The following CAPG variants were observed in gnomAD, a reference collection of about 807,000 sequenced individuals.
The protein encoded by CAPG is macrophage-capping protein.
CAPG carries 32 observed loss-of-function variants against 44.6 expected under a neutral mutation model. The ratio of observed to expected loss-of-function variants is 0.72; its 90% CI spans 0.54 to 0.96. The LOEUF is 0.96. Among genes scored for constraint, CAPG ranks in the 50% least tolerant of loss-of-function variants. The pLI, the probability that CAPG is intolerant of heterozygous loss-of-function variation, is 0.00. For synonymous variants in CAPG, 175 were observed against 179.6 expected (o/e 0.97, Z 0.20); for missense variants, 412 against 438.3 (o/e 0.94, Z 0.54).
intron 1 of CAPG, among the ~76,000 whole-genome samples, chr2:85,406,934 C>CTT (rs575138210): frequency 3.7e-4 from 52 of 141,902 alleles, no homozygotes; most frequent in Non-Finnish European, 5.8e-4. Flanking sequence ...TAGTAATTTT[C>CTT]TTTTTTTTTT....
chr2:85,408,266 C>T (rs1272026408), intron 1 of CAPG, among the ~76,000 whole-genome samples: 2 of 151,520 alleles, frequency 1.3e-5, no homozygotes, highest in East Asian at 1.9e-4. Flanking sequence ...TGCTGGAACC[C>T]GGGAGGCAGA....
At chr2:85,406,523 C>T (rs1301199953) in intron 1 of CAPG, among the ~76,000 whole-genome samples, 4 of 152,130 alleles carry the variant, frequency 2.6e-5, no homozygotes, top group Admixed American at 6.5e-5. Flanking sequence ...CTGCCCCCGC[C>T]GCCCCAGTGA....
In CAPG at chr2:85,394,904, C is replaced by T. The variant is rs939303675; in HGVS notation, c.1036G>A (p.Asp346Asn). The change falls in exon 10 of 10, where the codon GAC (aspartate) becomes AAC (asparagine). Residue 346 changes from aspartate (D) to asparagine (N), a missense_variant. Physicochemically the swap from Asp to Asn is conservative, Grantham distance 23 (BLOSUM62 1). Coordinates refer to ENST00000263867, the MANE Select transcript of CAPG (RefSeq NM_001747.4). ...ESPIFKQFFK[D>N]WK The stretch of plus-strand genomic sequence containing the variant: ...GAAGACGCCCACCCTCATTTCCAGT[C>T]CTTGAAAAATTGCTTGAAGATGGGA... The T allele has an allele frequency of 1.2e-6, 2 of 1,613,010 alleles. No homozygotes were observed. The highest frequency in any genetic ancestry group is 3.3e-5 in the Admixed American group (2 of 60,010).
upstream of CAPG, chr2:85,419,033 A>G (rs1044186032): frequency 3.9e-5 from 6 of 152,398 alleles, no homozygotes; most frequent in African/African-American, 1.2e-4. Context: ...GCCTAGAGCA[A>G]ACTCCCATTC....
chr2:85,408,113 C>T (rs189841272), intron 1 of CAPG, among the ~76,000 whole-genome samples: 170 of 152,074 alleles, frequency 1.1e-3, no homozygotes, highest in African/African-American at 3.9e-3. Flanking sequence ...AAGGCTGAGG[C>T]GGGTGGATCA....
In CAPG at chr2:85,394,890, C is replaced by A; in HGVS notation, c.*3G>T. The stretch of plus-strand genomic sequence containing the variant: ...GGAGCATGGGGCAGGAAGACGCCCA[C>A]CCTCATTTCCAGTCCTTGAAAAATT... On this transcript the variant is annotated 3_prime_UTR_variant, in exon 10 of 10. Transcript: ENST00000263867. The A allele has an allele frequency of 3.7e-6, 6 of 1,610,674 alleles. No homozygotes were observed. The highest frequency in any genetic ancestry group is 5.1e-6 in the Non-Finnish European group (6 of 1,176,750).
intron 1 of CAPG, among the ~76,000 whole-genome samples, chr2:85,407,437 G>C (rs1485889674): frequency 6.6e-6 from 1 of 152,020 alleles, no homozygotes; most frequent in Non-Finnish European, 1.5e-5. Context: ...TGCCAGCCAG[G>C]CATGGTGGCT....
intron 1 of CAPG, among the ~76,000 whole-genome samples, chr2:85,402,836 T>C (rs909308925): frequency 6.0e-5 from 9 of 150,092 alleles, no homozygotes; most frequent in Admixed American, 5.4e-4. Flanking sequence ...AGTGGCGTGA[T>C]CTCAGCTCAC....
upstream of CAPG, among the ~76,000 whole-genome samples, chr2:85,414,598 C>CT (rs35025820): frequency 6.0e-4 from 87 of 145,100 alleles, no homozygotes; most frequent in Middle Eastern, 3.5e-3. Flanking sequence ...CCCAGCTAAA[C>CT]TTTTTTTTTT....
At chr2:85,407,136 A>G (rs1040062456) in intron 1 of CAPG, among the ~76,000 whole-genome samples, 15 of 151,928 alleles carry the variant, frequency 9.9e-5, no homozygotes, top group African/African-American at 3.6e-4. Context: ...TCACCATGTC[A>G]GTCAGGCTGG....
At chr2:85,407,611 G>C (rs1310697663) in intron 1 of CAPG, among the ~76,000 whole-genome samples, 1 of 151,010 alleles carries the variant, frequency 6.6e-6, no homozygotes, top group African/African-American at 2.4e-5. Flanking sequence ...TACTTGGGAG[G>C]CTGCAGCACA....
intron 1 of CAPG, among the ~76,000 whole-genome samples, chr2:85,417,329 G>A (rs376569565): frequency 2.6e-5 from 4 of 152,336 alleles, no homozygotes; most frequent in African/African-American, 9.6e-5. Flanking sequence ...GAGAGATAAA[G>A]TAGGTCAAAA....
chr2:85,394,746 C>A (rs764415502), downstream of CAPG: 84 of 706,950 alleles, frequency 1.2e-4, no homozygotes, highest in Non-Finnish European at 1.6e-5. Context: ...CAGCCCAGGG[C>A]AGGTGGTGCA....
chr2:85,395,794 G>A lies in CAPG; in HGVS notation c.893-168C>T, dbSNP rs150673042. Among the ~76,000 whole-genome samples, 665 of 152,284 alleles carry A rather than the reference G, an allele frequency of 4.4e-3. 3 individuals carry two copies. Among genetic ancestry groups the A allele is most frequent in the African/African-American group, 0.015 (635 of 41,546 alleles). On this transcript the variant is annotated intron_variant, in intron 8 of 9. Transcript: ENST00000263867. This position sits in a 1 kb window ranked among gnomAD's most constrained non-coding sequence, Gnocchi z 4.3. ...GGGGCTCTTTGGAGATGTGGAGTCA[G>A]TCCCTTAAGAATTTTCCCAAACCGG...
chr2:85,402,451 G>T (rs183343325), intron 1 of CAPG, among the ~76,000 whole-genome samples: 24 of 152,228 alleles, frequency 1.6e-4, no homozygotes, highest in Admixed American at 4.6e-4. Context: ...ACAGAAAACA[G>T]AAACAAGAGA....
Position 85,395,049 on chromosome 2 carries a change from A to C in CAPG, c.982-91T>G. 1.1e-6 allele frequency: 1 copy of C among 871,522 alleles called. No homozygotes were observed. Among genetic ancestry groups the C allele is most frequent in the Admixed American group, 2.0e-5 (1 of 50,218 alleles). 54.0% of individuals were successfully genotyped at this position (871,522 alleles called of 1,614,324 possible). A position where few individuals can be genotyped will look rare whatever the true frequency, so the allele number is the denominator to read the frequency against. The stretch of plus-strand genomic sequence containing the variant: ...CAGGAGGGGGCCAGAGCCAGGGAGG[A>C]GGGTGTGGGCGCCTGGCCTGAATCC... On this transcript the variant is annotated intron_variant, in intron 9 of 9. Transcript: ENST00000263867. The surrounding 1 kb of genome is among the most constrained non-coding windows in gnomAD (Gnocchi z 4.3).
downstream of CAPG, chr2:85,394,680 A>G (rs892650632): frequency 8.1e-6 from 5 of 617,044 alleles, no homozygotes; most frequent in African/African-American, 9.2e-5. Context: ...TCTGTGTGCT[A>G]CTCCACCCCC....
chr2:85,397,742 C>G (rs368440448), intron 8 of CAPG, among the ~76,000 whole-genome samples: 1 of 139,986 alleles, frequency 7.1e-6, no homozygotes, highest in African/African-American at 2.6e-5. Flanking sequence ...ATAGCAAGGC[C>G]TATGCCATGG....
At chr2:85,399,366 C>T in intron 5 of CAPG, 81 bp from the exon 6 acceptor site, 1 of 1,424,992 alleles carries the variant, frequency 7.0e-7, no homozygotes, top group Non-Finnish European at 9.7e-7. Flanking sequence ...GCACAGCTCT[C>T]CCTCTCTCCT....
Sources: allele counts gnomAD v4.1 joint callset (sites outside exome capture counted in the v4.1 genomes callset), GRCh38; gene constraint gnomAD v4.1.1; non-coding constraint Gnocchi (gnomAD v3.1); transcripts MANE v1.5; gene names NCBI Gene and HGNC (gene_info 2026-07-23, HGNC 2026-07-21).